Variants in IL23R observed in about 807,000 individuals in gnomAD.
The protein encoded by IL23R is interleukin-23 receptor.
A neutral mutation model predicts 56.9 loss-of-function variants in IL23R; 34 were observed. The ratio of observed to expected loss-of-function variants is 0.60; its 90% confidence interval spans 0.45 to 0.80. The LOEUF is 0.80. Among genes scored for constraint, IL23R ranks in the 30% least tolerant of loss-of-function variants. The pLI is 0.00. For synonymous variants in IL23R, 230 were observed against 249.2 expected, an observed-to-expected ratio of 0.92 and a Z score of 0.73; for missense variants, 635 against 730.0, an observed-to-expected ratio of 0.87 and a Z score of 1.50.
intron 10 of IL23R, 130 bp from the exon 11 acceptor site, chr1:67,258,348 G>T (rs1653062924): frequency 1.6e-6 from 1 of 630,374 alleles, no homozygotes. Context: ...CATATGGGAA[G>T]ATAAACAATA....
At chr1:67,163,515 A>G, upstream of IL23R, among the ~76,000 whole-genome samples, 1 of 151,606 alleles carries the variant, frequency 6.6e-6, no homozygotes, top group African/African-American at 2.4e-5. Flanking sequence ...AAAGAAAAGA[A>G]AAAAGAAAAG....
chr1:67,206,362 G>A (rs374575043), intron 5 of IL23R, among the ~76,000 whole-genome samples: 4 of 152,026 alleles, frequency 2.6e-5, no homozygotes, highest in East Asian at 3.9e-4. Context: ...CCAGGGTGGA[G>A]TACAGTTGCA....
the IL23R span, among the ~76,000 whole-genome samples, chr1:67,265,659 A>G: frequency 6.6e-6 from 1 of 152,192 alleles, no homozygotes; most frequent in Admixed American, 6.5e-5. Context: ...GTTTATACAC[A>G]TATAAGAATT....
At chr1:67,201,784 GT>G (rs1257996359) in intron 5 of IL23R, among the ~76,000 whole-genome samples, 1 of 151,998 alleles carries the variant, frequency 6.6e-6, no homozygotes, top group Non-Finnish European at 1.5e-5. Flanking sequence ...AACATTAATA[GT>G]TTTTGTTTCA....
At chr1:67,201,496 G>A (rs1240419852) in intron 5 of IL23R, among the ~76,000 whole-genome samples, 4 of 147,236 alleles carry the variant, frequency 2.7e-5, no homozygotes, top group African/African-American at 1.0e-4. Context: ...AGGCTAGAGT[G>A]AATAAGATAG....
intron 9 of IL23R, among the ~76,000 whole-genome samples, chr1:67,248,336 T>A (rs961204468): frequency 1.3e-5 from 2 of 152,240 alleles, no homozygotes; most frequent in Non-Finnish European, 2.9e-5. Flanking sequence ...TTCTCTGATC[T>A]TGTCTTCTTG....
At chr1:67,254,544 CA>C (rs916393454) in intron 9 of IL23R, among the ~76,000 whole-genome samples, 4 of 150,958 alleles carry the variant, frequency 2.6e-5, no homozygotes, top group South Asian at 2.1e-4. Flanking sequence ...AAAACAACAA[CA>C]AAAAAAATGG....
chr1:67,184,830 T>C (rs901104313), intron 4 of IL23R, among the ~76,000 whole-genome samples: 1 of 152,152 alleles, frequency 6.6e-6, no homozygotes, highest in Non-Finnish European at 1.5e-5. Flanking sequence ...AAAATTCATA[T>C]GTTGAAACAA....
intron 7 of IL23R, among the ~76,000 whole-genome samples, chr1:67,228,151 T>TCC (rs1650847652): frequency 3.1e-4 from 18 of 58,108 alleles, no homozygotes; most frequent in Non-Finnish European, 4.7e-4. Flanking sequence ...TGTCTTTCTT[T>TCC]TTCCTTCCTT....
At chr1:67,190,040 T>A (rs1250782211) in intron 4 of IL23R, among the ~76,000 whole-genome samples, 6 of 152,192 alleles carry the variant, frequency 3.9e-5, no homozygotes, top group African/African-American at 1.4e-4. Flanking sequence ...CGAGGTAGTA[T>A]TATGTTTAAA....
At position 67,153,065 on chromosome 1, in the gene IL23R, A is replaced by G. The variant is rs1490695618; in HGVS notation, c.-634+13904A>G. ...TACTGCTGATAGAATTTGGCTGTGA[A>G]TCCATCTGGTCCTGGGCTTTTTTTG... On this transcript the variant is annotated intron_variant, in intron 1 of 10. Transcript: ENST00000637002. Among the ~76,000 whole-genome samples, 4 of 152,168 alleles carry G rather than the reference A, an allele frequency of 2.6e-5. No individual in the cohort carries two copies. The East Asian group carries it at 7.7e-4, about 29-fold the overall frequency.
intron 6 of IL23R, among the ~76,000 whole-genome samples, chr1:67,209,705 G>A (rs1290665707): frequency 2.6e-5 from 4 of 152,130 alleles, no homozygotes; most frequent in African/African-American, 9.7e-5. Context: ...AGTACCCAGT[G>A]TTTAGCTCCC....
intron 3 of IL23R, among the ~76,000 whole-genome samples, chr1:67,172,769 C>T (rs771719261): frequency 2.0e-5 from 3 of 152,122 alleles, no homozygotes; most frequent in Non-Finnish European, 4.4e-5. Context: ...AGTATGATTA[C>T]GGAACAATTA....
chr1:67,188,140 A>G (rs991700294), intron 4 of IL23R, among the ~76,000 whole-genome samples: 1 of 152,222 alleles, frequency 6.6e-6, no homozygotes, highest in African/African-American at 2.4e-5. Flanking sequence ...TCATAATTAT[A>G]TGTAGTAACA....
At chr1:67,221,051 T>C (rs187597135) in intron 7 of IL23R, among the ~76,000 whole-genome samples, 2 of 151,952 alleles carry the variant, frequency 1.3e-5, no homozygotes, top group Admixed American at 1.3e-4. Context: ...CTGGGTGTGG[T>C]GGCTCAAGCC....
intron 4 of IL23R, among the ~76,000 whole-genome samples, chr1:67,195,483 A>T (rs1169700225): frequency 6.6e-6 from 1 of 152,188 alleles, no homozygotes; most frequent in Admixed American, 6.5e-5. Context: ...AGCTGTATAG[A>T]GCTTAAGTAA....
chr1:67,263,648 C>T (rs914033153), downstream of IL23R, among the ~76,000 whole-genome samples: 4 of 152,148 alleles, frequency 2.6e-5, no homozygotes, highest in Non-Finnish European at 2.9e-5. Context: ...CAGTGGCTCA[C>T]GCCTGTAATT....
intron 3 of IL23R, among the ~76,000 whole-genome samples, chr1:67,174,448 T>C (rs1257562887): frequency 6.6e-6 from 1 of 151,916 alleles, no homozygotes; most frequent in African/African-American, 2.4e-5. Context: ...GGTAAGCAAT[T>C]TGCAGGTGAA....
chr1:67,206,290 G>C (rs1019566050), intron 5 of IL23R, among the ~76,000 whole-genome samples: 4 of 152,026 alleles, frequency 2.6e-5, no homozygotes, highest in Non-Finnish European at 5.9e-5. Context: ...TGGGAATACA[G>C]ACATGAGCCA....
Sources: allele counts gnomAD v4.1 joint callset (sites outside exome capture counted in the v4.1 genomes callset), GRCh38; gene constraint gnomAD v4.1.1; transcripts MANE v1.5; gene names NCBI Gene and HGNC (gene_info 2026-07-23, HGNC 2026-07-21).